The following ST18 variants were observed in gnomAD, a reference collection of about 807,000 sequenced individuals.
The protein encoded by ST18 is suppression of tumorigenicity 18 protein.
A neutral mutation model predicts 110.0 loss-of-function variants in ST18; 50 were observed. The observed-to-expected ratio is 0.45, with a 90% CI of 0.36 to 0.58. The LOEUF (loss-of-function observed/expected upper bound fraction) is 0.58, where lower values mean the gene tolerates loss of function less well. ST18 is among the 20% of genes least tolerant of loss of function. The probability of loss-of-function intolerance (pLI) is 0.00; values close to 1 mark genes in which losing one functional copy is unlikely to be tolerated. For synonymous variants in ST18, 461 were observed against 452.4 expected (o/e 1.02, Z -0.24); for missense variants, 1,306 against 1,280.1 (o/e 1.02, Z -0.31).
intron 2 of ST18, among the ~76,000 whole-genome samples, chr8:52,374,374 C>T (rs898584440): frequency 3.3e-5 from 5 of 152,106 alleles, no homozygotes; most frequent in Non-Finnish European, 5.9e-5. Context: ...CACTGGCAGC[C>T]GCCAGCAGTG....
At chr8:52,228,973 T>C (rs891571250) in intron 3 of ST18, among the ~76,000 whole-genome samples, 4 of 152,172 alleles carry the variant, frequency 2.6e-5, no homozygotes, top group Non-Finnish European at 4.4e-5. Context: ...TTTACAAATA[T>C]ATCATATAAA....
chr8:52,367,444 A>T (rs1441275014), intron 2 of ST18, among the ~76,000 whole-genome samples: 4 of 152,146 alleles, frequency 2.6e-5, no homozygotes, highest in South Asian at 2.1e-4. Flanking sequence ...CTTAAAAATT[A>T]AAAAATTTAA....
intron 2 of ST18, among the ~76,000 whole-genome samples, chr8:52,388,880 G>A (rs1351738002): frequency 1.3e-5 from 2 of 150,346 alleles, no homozygotes; most frequent in Admixed American, 6.6e-5. Flanking sequence ...ATGAGTTAAT[G>A]GGTGCAGCAC....
intron 2 of ST18, among the ~76,000 whole-genome samples, chr8:52,314,439 T>C (rs1234957644): frequency 6.6e-6 from 1 of 152,202 alleles, no homozygotes; most frequent in African/African-American, 2.4e-5. Context: ...TGCCTCTGTT[T>C]CCTGAAGACA....
chr8:52,147,785 A>G (rs79247290), intron 16 of ST18, among the ~76,000 whole-genome samples: 3,394 of 152,254 alleles, frequency 0.022, 129 homozygotes, highest in African/African-American at 0.078. Flanking sequence ...TTAGGTCTGT[A>G]GATGCAATGT....
At chr8:52,140,225 C>T (rs1005756383) in intron 17 of ST18, among the ~76,000 whole-genome samples, 2 of 152,182 alleles carry the variant, frequency 1.3e-5, no homozygotes, top group African/African-American at 4.8e-5. Flanking sequence ...AAAGCACTCA[C>T]CCTGTCTAAT....
chr8:52,140,974 CTTCTAAGAAGT>C lies in ST18; in HGVS notation c.2168+1945_2168+1955del, dbSNP rs912008268. 3.3e-5 allele frequency among the ~76,000 whole-genome samples: 5 copies of C among 152,060 alleles called. No homozygotes were observed. The South Asian group carries it at 6.2e-4, about 19-fold the overall frequency. The stretch of plus-strand genomic sequence containing the variant: ...AAAGGTGTCTGGCTGGCCTAAGTGG[CTTCTAAGAAGT>C]TTCTAAGAAGTTAGAAGTGACTTCT... On this transcript the variant is annotated intron_variant, in intron 17 of 25. Coordinates refer to ENST00000689386, the MANE Select transcript of ST18 (RefSeq NM_001352837.2).
At chr8:52,214,945 C>A (rs2083578775) in intron 6 of ST18, among the ~76,000 whole-genome samples, 1 of 152,170 alleles carries the variant, frequency 6.6e-6, no homozygotes, top group Non-Finnish European at 1.5e-5. Flanking sequence ...GATGCAAAGA[C>A]TTTAAAAGCC....
chr8:52,235,952 T>G (rs1397021490), intron 2 of ST18, among the ~76,000 whole-genome samples: 1 of 152,136 alleles, frequency 6.6e-6, no homozygotes, highest in African/African-American at 2.4e-5. Flanking sequence ...ACTGGGTAGT[T>G]CTGAAAATAC....
chr8:52,234,424 C>T (rs1289291396), intron 2 of ST18, among the ~76,000 whole-genome samples: 1 of 151,968 alleles, frequency 6.6e-6, no homozygotes, highest in Non-Finnish European at 1.5e-5. Flanking sequence ...GCCACCGCAC[C>T]CGGCTATTTT....
At chr8:52,382,718 G>A (rs1330153554) in intron 2 of ST18, among the ~76,000 whole-genome samples, 1 of 151,992 alleles carries the variant, frequency 6.6e-6, no homozygotes, top group Non-Finnish European at 1.5e-5. Context: ...GAAGCAGGAA[G>A]GAAGAGAAGC....
chr8:52,323,191 T>G (rs1439622232), intron 2 of ST18, among the ~76,000 whole-genome samples: 1 of 152,152 alleles, frequency 6.6e-6, no homozygotes, highest in Non-Finnish European at 1.5e-5. Flanking sequence ...TTTTTAAAAA[T>G]CACATAAAAC....
At chr8:52,324,923 C>T (rs1037094994) in intron 2 of ST18, among the ~76,000 whole-genome samples, 4 of 152,146 alleles carry the variant, frequency 2.6e-5, no homozygotes, top group African/African-American at 7.2e-5. Context: ...CAATCAAGAC[C>T]TCCTGTGAAA....
rs1157662244 is a variant in ST18 at position 52,178,637 on chromosome 8, A to C, written c.277+1485T>G. On this transcript the variant is annotated intron_variant, in intron 9 of 25. Coordinates refer to ENST00000689386, the MANE Select transcript of ST18 (RefSeq NM_001352837.2). ...ATCAAAAAAAAAAAAAAAAAAAAAA[A>C]AAAAAACCACCAAAAACCAAAATAA... Among the ~76,000 whole-genome samples the C allele has an allele frequency of 3.9e-3, 508 of 131,936 alleles. 134 individuals carry two copies. The highest frequency in any genetic ancestry group is 0.011 in the South Asian group (46 of 4,148). 86.6% of individuals were successfully genotyped at this position (131,936 alleles called of 152,430 possible).
intron 23 of ST18, among the ~76,000 whole-genome samples, chr8:52,122,042 C>T (rs1017965110): frequency 6.6e-6 from 1 of 152,092 alleles, no homozygotes; most frequent in Non-Finnish European, 1.5e-5. Flanking sequence ...GACAGAGTTT[C>T]ACCATGTTGG....
At chr8:52,210,310 C>T (rs137898264) in intron 8 of ST18, among the ~76,000 whole-genome samples, 1,686 of 152,164 alleles carry the variant, frequency 0.011, 24 homozygotes, top group African/African-American at 0.039. Flanking sequence ...ACAATTTAAT[C>T]CTGTCCAAAT....
chr8:52,113,159 T>C lies in ST18; in HGVS notation c.*39A>G, dbSNP rs377076418. 56 of 1,610,582 alleles carry C rather than the reference T, an allele frequency of 3.5e-5. 1 individual carries two copies. The Admixed American group carries it at 9.2e-4, about 26-fold the overall frequency. ...TCTAACAGATCCATCTGGAGTTTACTGCTGTTGGTAACTTCTGTTGCCCGG... is the reference window on the plus strand; with the variant it reads ...TCTAACAGATCCATCTGGAGTTTACCGCTGTTGGTAACTTCTGTTGCCCGG... On this transcript the variant is annotated 3_prime_UTR_variant, in exon 26 of 26. Transcript: ENST00000689386.
At chr8:52,116,624 A>G (rs2042646773) in intron 24 of ST18, among the ~76,000 whole-genome samples, 1 of 152,220 alleles carries the variant, frequency 6.6e-6, no homozygotes. Flanking sequence ...TTCAGCCCAG[A>G]CTTCCTCATG....
intron 2 of ST18, among the ~76,000 whole-genome samples, chr8:52,321,752 A>T (rs1216822322): frequency 1.3e-5 from 2 of 152,244 alleles, no homozygotes; most frequent in Non-Finnish European, 2.9e-5. Context: ...TAAGTCAGAA[A>T]AGGATTTAAT....
Sources: allele counts gnomAD v4.1 joint callset (sites outside exome capture counted in the v4.1 genomes callset), GRCh38; gene constraint gnomAD v4.1.1; transcripts MANE v1.5; gene names NCBI Gene and HGNC (gene_info 2026-07-23, HGNC 2026-07-21).